NPAS3: variants seen among roughly 807,000 people sequenced by gnomAD.
The protein encoded by NPAS3 is neuronal PAS domain protein 3, also known as neuronal PAS domain-containing protein 3.
NPAS3 carries 14 observed loss-of-function variants against 73.1 expected under a neutral mutation model. The observed-to-expected ratio is 0.19, with a 90% CI of 0.13 to 0.30. The LOEUF (loss-of-function observed/expected upper bound fraction) is 0.30. NPAS3 is among the 10% of genes least tolerant of loss of function. The pLI, the probability that NPAS3 is intolerant of heterozygous loss-of-function variation, is 1.00. For synonymous variants in NPAS3, 620 were observed against 541.5 expected, an observed-to-expected ratio of 1.14 and a Z score of -2.01; for missense variants, 1,096 against 1,250.0, an observed-to-expected ratio of 0.88 and a Z score of 1.86.
At chr14:33,347,883 T>TC (rs552307059) in intron 3 of NPAS3, among the ~76,000 whole-genome samples, 54 of 152,230 alleles carry the variant, frequency 3.5e-4, no homozygotes, top group African/African-American at 1.2e-3. Flanking sequence ...TTTTTTTTTT[T>TC]CAAATATTTT....
chr14:32,943,147 C>T (rs1157405304), intron 1 of NPAS3, among the ~76,000 whole-genome samples: 1 of 151,930 alleles, frequency 6.6e-6, no homozygotes, highest in Non-Finnish European at 1.5e-5. Flanking sequence ...AGCAAATGAG[C>T]AAACTTGAAT....
intron 4 of NPAS3, among the ~76,000 whole-genome samples, chr14:33,397,192 C>T (rs1244970785): frequency 6.6e-6 from 1 of 152,114 alleles, no homozygotes; most frequent in Non-Finnish European, 1.5e-5. Context: ...CTCCCCTTGA[C>T]TTGGTTCTCT....
intron 4 of NPAS3, among the ~76,000 whole-genome samples, chr14:33,436,522 A>C (rs1035255111): frequency 6.6e-6 from 1 of 152,176 alleles, no homozygotes; most frequent in Non-Finnish European, 1.5e-5. Flanking sequence ...AGTCTCCCCA[A>C]ATCTGTTGTC....
chr14:33,767,189 A>G (rs566700104), intron 7 of NPAS3, among the ~76,000 whole-genome samples: 1 of 152,312 alleles, frequency 6.6e-6, no homozygotes, highest in East Asian at 1.9e-4. Flanking sequence ...ACAGAAGCAG[A>G]TCTGCTAGGG....
At chr14:32,948,983 G>A (rs2036376962) in intron 1 of NPAS3, among the ~76,000 whole-genome samples, 1 of 152,028 alleles carries the variant, frequency 6.6e-6, no homozygotes, top group Non-Finnish European at 1.5e-5. Context: ...TATGGTCAGC[G>A]TATTTTACTT....
intron 1 of NPAS3, among the ~76,000 whole-genome samples, chr14:33,048,413 A>G (rs2040586286): frequency 6.6e-6 from 1 of 152,176 alleles, no homozygotes; most frequent in African/African-American, 2.4e-5. Flanking sequence ...ACTGGAAATT[A>G]CTTTTCCTTT....
At chr14:33,480,028 C>G (rs2051237724) in intron 4 of NPAS3, among the ~76,000 whole-genome samples, 1 of 152,086 alleles carries the variant, frequency 6.6e-6, no homozygotes, top group Admixed American at 6.6e-5. Flanking sequence ...GCTCGTTTCC[C>G]AAACTCAACC....
At chr14:33,189,584 G>A (rs2046097089) in intron 2 of NPAS3, among the ~76,000 whole-genome samples, 1 of 152,158 alleles carries the variant, frequency 6.6e-6, no homozygotes, top group Non-Finnish European at 1.5e-5. Flanking sequence ...TAAGTGCAGT[G>A]ACCTTTTGGA....
At chr14:33,215,870 T>C (rs971532334) in intron 3 of NPAS3, among the ~76,000 whole-genome samples, 3 of 152,224 alleles carry the variant, frequency 2.0e-5, no homozygotes, top group African/African-American at 7.2e-5. Context: ...TTAATGATTT[T>C]ATTGACCAAT....
At chr14:33,724,981 T>A (rs1358726575) in intron 6 of NPAS3, among the ~76,000 whole-genome samples, 3 of 152,164 alleles carry the variant, frequency 2.0e-5, no homozygotes, top group African/African-American at 7.2e-5. Context: ...CAATGAAATA[T>A]TGCACAGCCA....
intron 1 of NPAS3, among the ~76,000 whole-genome samples, chr14:33,006,143 T>C (rs1385669804): frequency 6.6e-6 from 1 of 152,142 alleles, no homozygotes; most frequent in African/African-American, 2.4e-5. Context: ...ACTCAGTGCT[T>C]CCCTGCTTCT....
At chr14:33,122,209 C>T (rs1176349299) in intron 2 of NPAS3, among the ~76,000 whole-genome samples, 1 of 152,004 alleles carries the variant, frequency 6.6e-6, no homozygotes, top group East Asian at 1.9e-4. Context: ...ACATTTACAC[C>T]CTGTTTGTCT....
intron 3 of NPAS3, among the ~76,000 whole-genome samples, chr14:33,281,758 C>T (rs968993689): frequency 6.6e-6 from 1 of 152,086 alleles, no homozygotes; most frequent in Non-Finnish European, 1.5e-5. Context: ...AAAAAACATT[C>T]ATAATAAACT....
intron 2 of NPAS3, among the ~76,000 whole-genome samples, chr14:33,184,735 G>A (rs1159540702): frequency 1.3e-5 from 2 of 152,092 alleles, no homozygotes; most frequent in Non-Finnish European, 1.5e-5. Flanking sequence ...GATTGTTAGG[G>A]GAAGAAGAAA....
chr14:33,366,455 G>T lies in NPAS3; in HGVS notation c.386-731G>T, dbSNP rs186936213. Among the ~76,000 whole-genome samples, 5 of 152,252 alleles carry T rather than the reference G, an allele frequency of 3.3e-5. No homozygotes were observed. In the East Asian group the frequency reaches 9.7e-4, roughly 29 times the overall value. ...GGCACCTGCAGGCAAAGCAGGTGAA[G>T]CGTGCCTGGAAGAGGACCGACTCTT... On this transcript the variant is annotated intron_variant, in intron 3 of 11. Transcript: ENST00000356141.
At chr14:33,095,373 T>C (rs1156534694) in intron 2 of NPAS3, among the ~76,000 whole-genome samples, 1 of 152,182 alleles carries the variant, frequency 6.6e-6, no homozygotes, top group East Asian at 1.9e-4. Flanking sequence ...AGACAAAGTT[T>C]GTATGATGCA....
At chr14:33,612,339 CT>C (rs893833371) in intron 5 of NPAS3, 46 of 451,866 alleles carry the variant, frequency 1.0e-4, no homozygotes, top group African/African-American at 6.6e-4. Context: ...TGAGCCCCTT[CT>C]TTATCATCGC....
chr14:33,558,946 A>G lies in NPAS3; in HGVS notation c.469-1175A>G, dbSNP rs542170493. Among the ~76,000 whole-genome samples the G allele has an allele frequency of 4.3e-4, 66 of 152,190 alleles. 1 individual carries two copies. In the South Asian group the frequency reaches 6.8e-3, roughly 16 times the overall value. On this transcript the variant is annotated intron_variant, in intron 4 of 11. Transcript: ENST00000356141. ...CTTGTTAAAAATAACTATAAAGCAA[A>G]ACAAAAGACATGCGGATGACAGAGG...
At chr14:33,298,248 G>T (rs1001598754) in intron 3 of NPAS3, among the ~76,000 whole-genome samples, 3 of 152,108 alleles carry the variant, frequency 2.0e-5, no homozygotes, top group South Asian at 4.1e-4. Context: ...GTACCACCGC[G>T]CTCCAGCCTG....
Sources: allele counts gnomAD v4.1 joint callset (sites outside exome capture counted in the v4.1 genomes callset), GRCh38; gene constraint gnomAD v4.1.1; transcripts MANE v1.5; gene names NCBI Gene and HGNC (gene_info 2026-07-23, HGNC 2026-07-21).